The following UBR4 variants were observed in gnomAD, a reference collection of about 807,000 sequenced individuals.
UBR4 encodes the protein ubiquitin protein ligase E3 component n-recognin 4.
Under a neutral mutation model 575.6 loss-of-function variants are expected in UBR4, and 124 were observed. The ratio of observed to expected loss-of-function variants is 0.22; its 90% CI spans 0.19 to 0.25. UBR4 has a LOEUF of 0.25. Ranked by LOEUF, UBR4 falls within the 10% of genes least tolerant of loss-of-function variation. UBR4 has a pLI of 1.00. For missense variants in UBR4, 4,818 were observed against 6,478.8 expected, an observed-to-expected ratio of 0.74 and a Z score of 8.80; for synonymous variants, 2,455 against 2,473.7, an observed-to-expected ratio of 0.99 and a Z score of 0.22.
chr1:19,187,191 C>T lies in UBR4; in HGVS notation c.1605G>A (p.Leu535=), dbSNP rs375803914. Residue 535 remains leucine (L), a synonymous_variant, in exon 13 of 106, where the codon TTG becomes TTA. Coordinates refer to ENST00000375254, the MANE Select transcript of UBR4 (RefSeq NM_020765.3). ...TTCTGTAGGAAGTTGAAAGTAACGT[C>T]AAGAGCAGGTTCATCAGTGGGACAG... The part of the protein sequence containing the change: ...IDSVPLMNLL[L]TLLSTSYRKA... The T allele has an allele frequency of 1.4e-5, 22 of 1,612,838 alleles. No homozygotes were observed. The highest frequency in any genetic ancestry group is 1.7e-5 in the Non-Finnish European group (20 of 1,179,300).
Position 19,088,593 on chromosome 1 carries a change from T to C in UBR4, c.14430+166A>G, listed in dbSNP as rs570682331. Among the ~76,000 whole-genome samples, 3 of 152,340 alleles carry C rather than the reference T, an allele frequency of 2.0e-5. No homozygotes were observed. The highest frequency in any genetic ancestry group is 1.9e-4 in the East Asian group (1 of 5,186). On this transcript the variant is annotated intron_variant, in intron 98 of 105. Transcript: ENST00000375254. This position sits in a 1 kb window ranked among gnomAD's most constrained non-coding sequence, Gnocchi z 4.0. The stretch of plus-strand genomic sequence containing the variant: ...CTTACTCCGAGTCTCATCTGTATGA[T>C]AGAACGATAGTAGTTCCACCTCTGA...
chr1:19,129,712 T>C (rs745453052), intron 60 of UBR4, among the ~76,000 whole-genome samples: 1 of 152,252 alleles, frequency 6.6e-6, no homozygotes, highest in Non-Finnish European at 1.5e-5. Flanking sequence ...GCTGACCTTC[T>C]GTACTAAGTA....
chr1:19,181,589 C>T lies in UBR4; in HGVS notation c.2184+2222G>A, dbSNP rs571479852. On this transcript the variant is annotated intron_variant, in intron 17 of 105. Coordinates refer to ENST00000375254, the MANE Select transcript of UBR4 (RefSeq NM_020765.3). ...CTATCTCCCTCCTTTTTCATGATCC[C>T]ACACTAACTCAAGTTATCTTTATTT... Among the ~76,000 whole-genome samples the T allele has an allele frequency of 1.0e-3, 155 of 152,230 alleles. 1 individual carries two copies. Among genetic ancestry groups the T allele is most frequent in the Non-Finnish European group, 2.0e-3 (136 of 68,022 alleles).
intron 14 of UBR4, among the ~76,000 whole-genome samples, 166 bp downstream of exon 14, chr1:19,186,374 T>A (rs542534650): frequency 6.6e-6 from 1 of 152,202 alleles, no homozygotes; most frequent in South Asian, 2.1e-4. Context: ...AACTTGCTCT[T>A]AAATAACATG....
chr1:19,140,704 C>G, intron 58 of UBR4, 84 bp downstream of exon 58: 1 of 1,357,790 alleles, frequency 7.4e-7, no homozygotes, highest in Non-Finnish European at 1.0e-6. Flanking sequence ...GTCAAAGCAG[C>G]TGCCCATTAC....
intron 8 of UBR4, 147 bp downstream of exon 8, chr1:19,196,994 C>A: frequency 1.1e-6 from 1 of 928,244 alleles, no homozygotes; most frequent in East Asian, 2.7e-5. Context: ...CTATTGAGAC[C>A]TCATTTCACC....
At position 19,157,853 on chromosome 1, in the gene UBR4, G is replaced by A. The variant is rs2086670379; in HGVS notation, c.5722C>T (p.Arg1908Cys). 3.1e-6 allele frequency: 5 copies of A among 1,614,076 alleles called. No homozygotes were observed. The highest frequency in any genetic ancestry group is 4.2e-6 in the Non-Finnish European group (5 of 1,180,020). ...TGGCTGACAGCCAAATGTTGGCGGC[G>A]CCCATGGGGAGAGGAGAGCACACAC... Reference protein sequence around the residue: ...AMCVLSSPHGRRQHLAVSHEK... With the variant: ...AMCVLSSPHGCRQHLAVSHEK... Residue 1908 changes from arginine to cysteine, a missense_variant, in exon 40 of 106, where the codon CGC becomes TGC. Arg to Cys is a radical substitution (Grantham distance 180). This residue lies in a region of UBR4 where 461 missense variants were observed against 606.9 expected (regional missense o/e 0.76). Transcript: ENST00000375254. This position sits in a 1 kb window ranked among gnomAD's most constrained non-coding sequence, Gnocchi z 4.4.
In UBR4 at chr1:19,095,002, G is replaced by C; in HGVS notation, c.13650C>G (p.Ser4550Arg). 6.2e-7 allele frequency: 1 copy of C among 1,614,142 alleles called. No individual in the cohort carries two copies. Among genetic ancestry groups the C allele is most frequent in the Non-Finnish European group, 8.5e-7 (1 of 1,180,026 alleles). Residue 4550 changes from serine to arginine, a missense_variant, in exon 94 of 106, where the codon AGC becomes AGG. By Grantham distance (110) the Ser-to-Arg change is moderately radical. This residue lies in a region of UBR4 where 165 missense variants were observed against 282.3 expected (regional missense o/e 0.58). Transcript: ENST00000375254. The stretch of plus-strand genomic sequence containing the variant: ...CCACAGCTGCACCCCCACTGTCCTT[G>C]CTTTCTTGTTCAGCTACAAGGGCCT... ...LNLALVAEQESKDSGGAAVAE... is the reference protein window; with the variant it reads ...LNLALVAEQERKDSGGAAVAE...
intron 4 of UBR4, 40 bp downstream of exon 4, chr1:19,198,759 G>A (rs927801651): frequency 9.3e-6 from 15 of 1,613,012 alleles, no homozygotes; most frequent in Non-Finnish European, 1.3e-5. Context: ...AGGTGCCATG[G>A]GGGTGGTCAT....
At chr1:19,172,816 A>G in intron 25 of UBR4, 48 bp downstream of exon 25, 1 of 1,573,334 alleles carries the variant, frequency 6.4e-7, no homozygotes, top group Non-Finnish European at 8.7e-7. Flanking sequence ...CGGGATCTGC[A>G]CGGAGTGAAG....
At chr1:19,077,643 G>C in intron 104 of UBR4, 1 of 707,164 alleles carries the variant, frequency 1.4e-6, no homozygotes, top group South Asian at 1.6e-5. Context: ...TGAGGCAGGA[G>C]AATCACTTGA....
rs2079746160 is a variant in UBR4, at chr1:19,110,623, G to C, written c.11892+119C>G. 2.9e-6 allele frequency: 4 copies of C among 1,383,772 alleles called. No homozygotes were observed. The highest frequency in any genetic ancestry group is 4.1e-6 in the Non-Finnish European group (4 of 977,108). The allele number at this position is 1,383,772 out of a possible 1,614,324, so 85.7% of individuals were successfully genotyped here. Reference sequence around the variant, plus strand: ...GCTCTTCCCTGGGAAAACCATTCTGGGGTAATGTTCTGCTCCTTCCCTCCT... The same window carrying C: ...GCTCTTCCCTGGGAAAACCATTCTGCGGTAATGTTCTGCTCCTTCCCTCCT... On this transcript the variant is annotated intron_variant, in intron 79 of 105. Coordinates refer to ENST00000375254, the MANE Select transcript of UBR4 (RefSeq NM_020765.3). The surrounding 1 kb of genome is among the most constrained non-coding windows in gnomAD (Gnocchi z 4.5).
chr1:19,162,338 T>C, intron 35 of UBR4, 82 bp downstream of exon 35: 2 of 1,497,344 alleles, frequency 1.3e-6, no homozygotes, highest in Non-Finnish European at 9.0e-7. Context: ...CACAGGAGGC[T>C]GGAAAACAGA....
At chr1:19,174,787 C>G (rs748557034) in intron 21 of UBR4, among the ~76,000 whole-genome samples, 167 bp downstream of exon 21, 5 of 152,226 alleles carry the variant, frequency 3.3e-5, no homozygotes, top group African/African-American at 4.8e-5. Flanking sequence ...GTGCACCCAA[C>G]AAATAAATAT....
At chr1:19,138,983 C>A (rs2149917613) in intron 59 of UBR4, 100 bp downstream of exon 59, 3 of 1,421,368 alleles carry the variant, frequency 2.1e-6, no homozygotes, top group South Asian at 1.6e-5. Context: ...AGTCTCTATA[C>A]CTTTTCTTTG....
At chr1:19,174,932 G>A in intron 21 of UBR4, 22 bp downstream of exon 21, 1 of 1,604,380 alleles carries the variant, frequency 6.2e-7, no homozygotes, top group South Asian at 1.1e-5. Context: ...CATATAAAAT[G>A]CAGTTTTAAA....
chr1:19,173,510 C>T lies in UBR4; in HGVS notation c.3094G>A (p.Glu1032Lys), dbSNP rs756648667. Residue 1032 changes from glutamate to lysine, a missense_variant, in exon 23 of 106, where the codon GAA (glutamate) becomes AAA (lysine). Physicochemically the swap from Glu to Lys is moderately conservative, Grantham distance 56 (BLOSUM62 1). Transcript: ENST00000375254. Reference sequence around the variant, plus strand: ...CGCAGAGTGTGCAAGATGTCACATTCGCTCATCTCAGGTGAGTTCATGGAT... The same window carrying T: ...CGCAGAGTGTGCAAGATGTCACATTTGCTCATCTCAGGTGAGTTCATGGAT... ...QLSMNSPEMS[E>K]CDILHTLRWS... is the part of the protein sequence containing the mutation. 26 of 1,613,966 alleles carry T rather than the reference C, an allele frequency of 1.6e-5. No individual in the cohort carries two copies. The highest frequency in any genetic ancestry group is 4.0e-5 in the African/African-American group (3 of 74,910).
chr1:19,086,090 G>T, intron 101 of UBR4, 55 bp downstream of exon 101: 1 of 1,599,266 alleles, frequency 6.3e-7, no homozygotes, highest in South Asian at 1.1e-5. Context: ...AGCGGGTCTT[G>T]TCCCATCCCC....
Position 19,198,592 on chromosome 1 carries a change from T to G in UBR4, c.597A>C (p.Ser199=). 1 of 1,614,214 alleles carries G rather than the reference T, an allele frequency of 6.2e-7. No homozygotes were observed. The highest frequency in any genetic ancestry group is 8.5e-7 in the Non-Finnish European group (1 of 1,180,030). Residue 199 remains serine, a synonymous_variant, in exon 5 of 106, where the codon TCA becomes TCC. Transcript: ENST00000375254. ...ATGCTACAGTTCTAGGGTTAAAAAC[T>G]GAGGTCAGCTGGTTCAAAAAATTCA... is the stretch of plus-strand genomic sequence containing the variant. ...VQMNFLNQLT[S]VFNPRTVASQ...
Sources: gnomAD v4.1 joint callset for allele counts (sites outside exome capture counted in the v4.1 genomes callset) on GRCh38, gnomAD v4.1.1 for gene constraint, gnomAD v4.1.1 regional missense constraint, Gnocchi (gnomAD v3.1) non-coding constraint, MANE v1.5 for transcripts, NCBI Gene and HGNC (gene_info 2026-07-23, HGNC 2026-07-21) for gene names.